The following JMJD7 variants were observed in gnomAD, a reference collection of about 807,000 sequenced individuals.
JMJD7 encodes jumonji domain containing 7.
Under a neutral mutation model 41.1 loss-of-function variants are expected in JMJD7, and 41 were observed. That is an observed-to-expected ratio of 1.00 (90% CI 0.78 to 1.30). JMJD7 has a LOEUF of 1.30. Among genes scored for constraint, JMJD7 ranks in the 50% most tolerant of loss-of-function variants. JMJD7 has a pLI of 0.00. For missense variants in JMJD7, 480 were observed against 420.7 expected (o/e 1.14, Z -1.23); for synonymous variants, 202 against 177.2 (o/e 1.14, Z -1.11).
chr15:41,836,383 T>C (rs770941860), intron 5 of JMJD7, 92 bp from the exon 6 acceptor site: 22 of 1,550,996 alleles, frequency 1.4e-5, no homozygotes, highest in Admixed American at 1.9e-5. Context: ...CTGATCCCCT[T>C]GCCCCTGCCC....
chr15:41,835,137 A>G lies in JMJD7; in HGVS notation c.386A>G (p.Gln129Arg), dbSNP rs1239504994. Residue 129 changes from glutamine (Q) to arginine (R), a missense_variant, in exon 3 of 8, where the codon CAG becomes CGG. Gln to Arg is a conservative substitution (Grantham distance 43). Transcript: ENST00000397299. ...CAGCACCCTGGAGTCCTCTATGTGC[A>G]GAAGCAGTGCTCCAACCTGCCCAGC... ...RAQHPGVLYV[Q>R]KQCSNLPSEL... 6.2e-7 allele frequency: 1 copy of G among 1,609,464 alleles called. No individual in the cohort carries two copies. The highest frequency in any genetic ancestry group is 2.2e-5 in the East Asian group (1 of 44,874).
chr15:41,829,504 G>T (rs956749356), intron 1 of JMJD7, among the ~76,000 whole-genome samples: 10 of 152,324 alleles, frequency 6.6e-5, no homozygotes, highest in African/African-American at 2.2e-4. Flanking sequence ...GTAGAGACAA[G>T]GCTGGTCTCA....
chr15:41,835,540 T>G (rs906072996), intron 3 of JMJD7, 48 bp from the exon 4 acceptor site: 2 of 1,593,488 alleles, frequency 1.3e-6, no homozygotes, highest in African/African-American at 2.7e-5. Context: ...GATGGCAGCT[T>G]TCCCCAGCCT....
Position 41,836,540 on chromosome 15 carries a change from G to A in JMJD7, c.691G>A (p.Ala231Thr). ...CACCTTTAAGGTGGTGGATGAAGAG[G>A]CCATGGAGAAGGTGTCTGTCCTGTT... is the stretch of plus-strand genomic sequence containing the variant. ...EGTFKVVDEE[A>T]MEKVPWIPLD... The change falls in exon 6 of 8, where the codon GCC becomes ACC. Residue 231 changes from alanine to threonine, a missense_variant. Transcript: ENST00000397299. 1 of 1,586,204 alleles carries A rather than the reference G, an allele frequency of 6.3e-7. No individual in the cohort carries two copies. The highest frequency in any genetic ancestry group is 1.2e-5 in the South Asian group (1 of 86,716).
In JMJD7 at chr15:41,831,129, TCCTCC is replaced by T. The variant is rs756511847; in HGVS notation, c.64+2945_64+2949del. Among the ~76,000 whole-genome samples, 7 of 151,950 alleles carry T rather than the reference TCCTCC, an allele frequency of 4.6e-5. No individual in the cohort carries two copies. The East Asian group carries it at 7.8e-4, about 17-fold the overall frequency. The stretch of plus-strand genomic sequence containing the variant: ...GCCCATGGACCAATAGGCATGTACC[TCCTCC>T]CCTGTGAGACCCATAAAAAGCCCCT... On this transcript the variant is annotated intron_variant, in intron 1 of 7. Coordinates refer to ENST00000397299, the MANE Select transcript of JMJD7 (RefSeq NM_001114632.2).
Position 41,837,316 on chromosome 15 carries a change from A to G in JMJD7, c.*160A>G. 1.6e-6 allele frequency: 1 copy of G among 609,468 alleles called. No individual in the cohort carries two copies. The highest frequency in any genetic ancestry group is 2.8e-5 in the East Asian group (1 of 36,220). 37.8% of individuals were successfully genotyped at this position (609,468 alleles called of 1,614,324 possible). ...CTTTGGAGGATCTTGGAATGTGGTCATAAGGACTCAAGGTGCCAGGCAGGT... is the reference window on the plus strand; with the variant it reads ...CTTTGGAGGATCTTGGAATGTGGTCGTAAGGACTCAAGGTGCCAGGCAGGT... On this transcript the variant is annotated 3_prime_UTR_variant, in exon 8 of 8. Transcript: ENST00000397299.
intron 3 of JMJD7, 94 bp downstream of exon 3, chr15:41,835,317 T>C (rs1302326927): frequency 2.0e-6 from 3 of 1,494,162 alleles, no homozygotes; most frequent in Non-Finnish European, 1.8e-6. Flanking sequence ...ACCTGGCCTA[T>C]GGGCTTGGTC....
rs1299665022 is a variant in JMJD7, at chr15:41,835,573, C to T, written c.473-15C>T. 6.2e-7 allele frequency: 1 copy of T among 1,611,738 alleles called. No individual in the cohort carries two copies. Among genetic ancestry groups the T allele is most frequent in the Non-Finnish European group, 8.5e-7 (1 of 1,178,956 alleles). Reference sequence around the variant, plus strand: ...CCTGGCCTTCCTAACTTGCTCTCTGCCTTCTGCCCTGCAGGAAAGATGCCC... The same window carrying T: ...CCTGGCCTTCCTAACTTGCTCTCTGTCTTCTGCCCTGCAGGAAAGATGCCC... On this transcript the variant is annotated splice_polypyrimidine_tract_variant and intron_variant, in intron 3 of 7. Coordinates refer to ENST00000397299, the MANE Select transcript of JMJD7 (RefSeq NM_001114632.2).
At chr15:41,834,614 C>T in intron 1 of JMJD7, 126 bp from the exon 2 acceptor site, 1 of 1,393,654 alleles carries the variant, frequency 7.2e-7, no homozygotes. Flanking sequence ...TGTCCAGGGT[C>T]CTTTGGTCAC....
At chr15:41,828,404 G>A (rs1351021478) in intron 1 of JMJD7, 7 of 488,660 alleles carry the variant, frequency 1.4e-5, no homozygotes, top group Middle Eastern at 5.4e-4. Flanking sequence ...GCCCGGTGCC[G>A]TCTTGACCGT....
In JMJD7 at chr15:41,835,217, G is replaced by T; in HGVS notation, c.466G>T (p.Ala156Ser). The T allele has an allele frequency of 6.3e-7, 1 of 1,598,206 alleles. No individual in the cohort carries two copies. Among genetic ancestry groups the T allele is most frequent in the Non-Finnish European group, 8.5e-7 (1 of 1,179,378 alleles). ...LESHVPWASEALGKMPDAVNF... is the reference protein window; with the variant it reads ...LESHVPWASESLGKMPDAVNF... ...ATCCCATGTGCCCTGGGCCTCCGAA[G>T]CCCTGGGTGAGTGGAGGTGGGGTGG... is the stretch of plus-strand genomic sequence containing the variant. Residue 156 changes from alanine (A) to serine (S), a missense_variant, in exon 3 of 8, where the codon GCC becomes TCC. Physicochemically the swap from Ala to Ser is moderately conservative, Grantham distance 99. Coordinates refer to ENST00000397299, the MANE Select transcript of JMJD7 (RefSeq NM_001114632.2).
At chr15:41,833,053 C>G (rs575770756) in intron 1 of JMJD7, among the ~76,000 whole-genome samples, 18 of 152,278 alleles carry the variant, frequency 1.2e-4, no homozygotes, top group Non-Finnish European at 2.4e-4. Context: ...AGGCAGCATT[C>G]TCTAAGGAGC....
At position 41,834,770 on chromosome 15, in the gene JMJD7, T is replaced by G; in HGVS notation, c.95T>G (p.Leu32Arg). The change falls in exon 2 of 8, where the codon CTG (leucine) becomes CGG (arginine). Residue 32 changes from leucine (L) to arginine (R), a missense_variant. By Grantham distance (102) the Leu-to-Arg change is moderately radical. Coordinates refer to ENST00000397299, the MANE Select transcript of JMJD7 (RefSeq NM_001114632.2). ...TGCGTGCCTCTTGCTGTGCCCTACC[T>G]GGACAAACCCCCAACTCCGCTCCAC... ...ELCVPLAVPY[L>R]DKPPTPLHFY... is the part of the protein sequence containing the mutation. The G allele has an allele frequency of 3.1e-6, 5 of 1,614,170 alleles. No individual in the cohort carries two copies. Among genetic ancestry groups the G allele is most frequent in the Non-Finnish European group, 4.2e-6 (5 of 1,180,020 alleles).
At chr15:41,828,352 T>A (rs529722958) in intron 1 of JMJD7, 164 bp downstream of exon 1, 1 of 809,252 alleles carries the variant, frequency 1.2e-6, no homozygotes, top group East Asian at 3.4e-5. Flanking sequence ...GTTCGCGCGC[T>A]CCCGCGGCTT....
chr15:41,833,074 C>T (rs1362677909), intron 1 of JMJD7, among the ~76,000 whole-genome samples: 3 of 152,096 alleles, frequency 2.0e-5, no homozygotes, highest in Admixed American at 2.0e-4. Flanking sequence ...AGTGGTAAGC[C>T]ATCAAGGCAT....
intron 1 of JMJD7, 51 bp downstream of exon 1, chr15:41,828,239 C>A: frequency 1.0e-5 from 15 of 1,472,706 alleles, no homozygotes; most frequent in Non-Finnish European, 1.3e-5. Flanking sequence ...GGGAGGGGCC[C>A]TGGGATGCCG....
At chr15:41,828,537 T>C in intron 1 of JMJD7, 1 of 235,492 alleles carries the variant, frequency 4.2e-6, no homozygotes, top group Non-Finnish European at 8.2e-6. Context: ...ACCTCCGACC[T>C]CAACTCCCTT....
At chr15:41,836,004 T>C (rs2065307566) in intron 4 of JMJD7, 144 bp from the exon 5 acceptor site, 2 of 835,196 alleles carry the variant, frequency 2.4e-6, no homozygotes, top group East Asian at 2.7e-5. Flanking sequence ...TCAGAGCCCC[T>C]GGCATCTCCA....
At chr15:41,829,078 G>C (rs1425374760) in intron 1 of JMJD7, 1 of 152,256 alleles carries the variant, frequency 6.6e-6, no homozygotes, top group Non-Finnish European at 1.5e-5. Flanking sequence ...ATACATCACT[G>C]AACAAAACAA....
Sources: gnomAD v4.1 joint callset for allele counts (sites outside exome capture counted in the v4.1 genomes callset) on GRCh38, gnomAD v4.1.1 for gene constraint, MANE v1.5 for transcripts, NCBI Gene and HGNC (gene_info 2026-07-23, HGNC 2026-07-21) for gene names.